ADAMTS2: variants seen among roughly 807,000 people sequenced by gnomAD.
ADAMTS2 encodes A disintegrin and metalloproteinase with thrombospondin motifs 2.
Under a neutral mutation model 123.0 loss-of-function variants are expected in ADAMTS2, and 50 were observed. That is an observed-to-expected ratio of 0.41 (90% confidence interval 0.32 to 0.51). The LOEUF is 0.51. Ranked by LOEUF, ADAMTS2 falls within the 20% of genes least tolerant of loss-of-function variation. The probability of loss-of-function intolerance (pLI) is 0.35; values close to 1 mark genes in which losing one functional copy is unlikely to be tolerated. For missense variants in ADAMTS2, 1,494 were observed against 1,705.2 expected (o/e 0.88, Z 2.18); for synonymous variants, 678 against 695.4 (o/e 0.98, Z 0.39).
At chr5:179,153,944 C>T (rs993980081) in intron 8 of ADAMTS2, 105 bp downstream of exon 8, 108 of 1,459,746 alleles carry the variant, frequency 7.4e-5, no homozygotes, top group Admixed American at 1.2e-4. Flanking sequence ...GCTTAGAGGA[C>T]CTGAGGTCGG....
intron 3 of ADAMTS2, among the ~76,000 whole-genome samples, chr5:179,219,886 G>A (rs867389647): frequency 9.2e-5 from 14 of 152,286 alleles, no homozygotes; most frequent in Admixed American, 4.6e-4. Context: ...CACCTGCCCC[G>A]TGCCACTCTC....
intron 5 of ADAMTS2, among the ~76,000 whole-genome samples, chr5:179,174,309 T>C (rs1763888253): frequency 6.6e-6 from 1 of 152,204 alleles, no homozygotes; most frequent in Non-Finnish European, 1.5e-5. Flanking sequence ...AGGTTTTATA[T>C]ATTAAGATAT....
intron 2 of ADAMTS2, among the ~76,000 whole-genome samples, chr5:179,343,455 C>G (rs895522639): frequency 6.6e-6 from 1 of 152,248 alleles, no homozygotes; most frequent in African/African-American, 2.4e-5. Flanking sequence ...CACACATACA[C>G]GGACCCACCC....
chr5:179,195,715 T>A (rs1764414703), intron 4 of ADAMTS2, among the ~76,000 whole-genome samples: 1 of 152,184 alleles, frequency 6.6e-6, no homozygotes, highest in South Asian at 2.1e-4. Flanking sequence ...TTCTGAGCCT[T>A]GCGTGCAGCC....
chr5:179,261,540 C>CT (rs909526507), intron 3 of ADAMTS2, among the ~76,000 whole-genome samples: 1 of 152,204 alleles, frequency 6.6e-6, no homozygotes, highest in Non-Finnish European at 1.5e-5. Context: ...CAACAGATAC[C>CT]TATTTGCAGG....
chr5:179,184,099 G>A (rs140674827), intron 4 of ADAMTS2, among the ~76,000 whole-genome samples: 11 of 152,240 alleles, frequency 7.2e-5, no homozygotes, highest in African/African-American at 2.4e-4. Context: ...CAGCCCAAGC[G>A]GAATGAGACA....
intron 2 of ADAMTS2, among the ~76,000 whole-genome samples, chr5:179,334,247 G>A (rs1757552931): frequency 6.6e-6 from 1 of 152,186 alleles, no homozygotes; most frequent in African/African-American, 2.4e-5. Context: ...TCTGCAGGAA[G>A]GCTGCCCCTC....
rs966437723 is a variant in ADAMTS2 at position 179,122,644 on chromosome 5, G to A, written c.3088C>T (p.Arg1030Ter). ...ARTCRLGPCP[R>*]NISDPSKKSY... The stretch of plus-strand genomic sequence containing the variant: ...GGGGCAGGGGCTGCAGGTGGCTTAC[G>A]GGGACAGGGGCCAAGCCTGCAGGTC... The change falls in exon 20 of 22, where the codon CGA becomes TGA. Residue 1030 changes from arginine to a stop codon, truncating the protein, a stop_gained and splice_region_variant. Coordinates refer to ENST00000251582, the MANE Select transcript of ADAMTS2 (RefSeq NM_014244.5). LOFTEE classifies it high-confidence loss of function. 1.3e-6 allele frequency: 2 copies of A among 1,550,650 alleles called. No individual in the cohort carries two copies. The highest frequency in any genetic ancestry group is 8.7e-7 in the Non-Finnish European group (1 of 1,147,298).
chr5:179,128,702 GT>G lies in ADAMTS2; in HGVS notation c.2458-585del, dbSNP rs1762904824. Among the ~76,000 whole-genome samples, 2 of 152,168 alleles carry G rather than the reference GT, an allele frequency of 1.3e-5. No individual in the cohort carries two copies. Among genetic ancestry groups the G allele is most frequent in the South Asian group, 4.1e-4 (2 of 4,826 alleles). On this transcript the variant is annotated intron_variant, in intron 16 of 21. Transcript: ENST00000251582. The surrounding 1 kb of genome is among the most constrained non-coding windows in gnomAD (Gnocchi z 4.9). ...GCCACTGCGCCTGGCCTATGTGTGA[GT>G]CTGTTTAAAGACACTTTATTTAATT...
Position 179,213,386 on chromosome 5 carries a change from A to T in ADAMTS2, c.689-5671T>A, listed in dbSNP as rs116176263. Reference sequence around the variant, plus strand: ...TGGGCATTAACTGACTTTCCCTCTCAGATAGAGAACCCTGGGGGATGGAGA... The same window carrying T: ...TGGGCATTAACTGACTTTCCCTCTCTGATAGAGAACCCTGGGGGATGGAGA... On this transcript the variant is annotated intron_variant, in intron 3 of 21. Coordinates refer to ENST00000251582, the MANE Select transcript of ADAMTS2 (RefSeq NM_014244.5). 2.3e-3 allele frequency among the ~76,000 whole-genome samples: 354 copies of T among 152,232 alleles called. 2 individuals carry two copies. The highest frequency in any genetic ancestry group is 8.2e-3 in the African/African-American group (339 of 41,546).
intron 21 of ADAMTS2, among the ~76,000 whole-genome samples, chr5:179,116,260 A>ACCCCCCCCCCCCCCCCCCCCC (rs146306326): frequency 2.7e-4 from 25 of 93,772 alleles, no homozygotes; most frequent in African/African-American, 3.6e-4. Flanking sequence ...TGACCACGGC[A>ACCCCCCCCCCCCCCCCCCCCC]CCCCCCCCCC....
intron 3 of ADAMTS2, among the ~76,000 whole-genome samples, chr5:179,235,144 C>T (rs1400539194): frequency 6.6e-6 from 1 of 152,244 alleles, no homozygotes; most frequent in Non-Finnish European, 1.5e-5. Flanking sequence ...TAGACTCAAG[C>T]ACCCTGTGCT....
intron 2 of ADAMTS2, among the ~76,000 whole-genome samples, chr5:179,336,745 T>C (rs1211182779): frequency 6.6e-6 from 1 of 152,316 alleles, no homozygotes; most frequent in African/African-American, 2.4e-5. Context: ...TCTTTTGCTA[T>C]TGGAGGAACT....
rs745588970 is a variant in ADAMTS2, at chr5:179,344,101, T to C, written c.200A>G (p.Gln67Arg). ...ILAVPVRTDA[Q>R]GRLVSHVVSA... The stretch of plus-strand genomic sequence containing the variant: ...CACCACGTGGGACACCAAGCGGCCC[T>C]GGGCGTCAGTGCGCACGGGCACCGC... The change falls in exon 2 of 22, where the codon CAG (glutamine) becomes CGG (arginine). Residue 67 changes from glutamine (Q) to arginine (R), a missense_variant. Transcript: ENST00000251582. 1.2e-5 allele frequency: 19 copies of C among 1,609,294 alleles called. No individual in the cohort carries two copies. The highest frequency in any genetic ancestry group is 1.6e-5 in the Non-Finnish European group (19 of 1,177,964).
At chr5:179,333,616 T>TA (rs1757535414) in intron 2 of ADAMTS2, among the ~76,000 whole-genome samples, 1 of 150,044 alleles carries the variant, frequency 6.7e-6, no homozygotes, top group Non-Finnish European at 1.5e-5. Context: ...TTTTTTTTTT[T>TA]TTTAGACAGA....
intron 10 of ADAMTS2, among the ~76,000 whole-genome samples, chr5:179,142,091 A>G (rs1308573314): frequency 6.6e-6 from 1 of 152,182 alleles, no homozygotes; most frequent in Admixed American, 6.5e-5. Flanking sequence ...AGGGAGAGTC[A>G]GAACAGAAGG....
In ADAMTS2 at chr5:179,181,991, G is replaced by A. The variant is rs908328214; in HGVS notation, c.892-836C>T. On this transcript the variant is annotated intron_variant, in intron 4 of 21. Transcript: ENST00000251582. The surrounding 1 kb of genome is among the most constrained non-coding windows in gnomAD (Gnocchi z 4.1). ...AGCCCCCACCCTCCAGCTTCCCACCGCACACACCCAGGGCCCTCCCTAGCG... is the reference window on the plus strand; with the variant it reads ...AGCCCCCACCCTCCAGCTTCCCACCACACACACCCAGGGCCCTCCCTAGCG... Among the ~76,000 whole-genome samples, 18 of 151,974 alleles carry A rather than the reference G, an allele frequency of 1.2e-4. No individual in the cohort carries two copies. In the South Asian group the frequency reaches 1.5e-3, roughly 12 times the overall value.
At chr5:179,123,418 GT>G (rs1762795896) in intron 19 of ADAMTS2, among the ~76,000 whole-genome samples, 1 of 152,166 alleles carries the variant, frequency 6.6e-6, no homozygotes, top group Non-Finnish European at 1.5e-5. Context: ...GTTTTGTTTT[GT>G]TTTGTTTCTT....
chr5:179,202,952 G>A lies in ADAMTS2; in HGVS notation c.891+4561C>T, dbSNP rs1179751961. Among the ~76,000 whole-genome samples, 1 of 152,208 alleles carries A rather than the reference G, an allele frequency of 6.6e-6. No homozygotes were observed. Among genetic ancestry groups the A allele is most frequent in the African/African-American group, 2.4e-5 (1 of 41,452 alleles). On this transcript the variant is annotated intron_variant, in intron 4 of 21. Coordinates refer to ENST00000251582, the MANE Select transcript of ADAMTS2 (RefSeq NM_014244.5). This position sits in a 1 kb window ranked among gnomAD's most constrained non-coding sequence, Gnocchi z 4.0. The stretch of plus-strand genomic sequence containing the variant: ...CTCCACACCAGCTACAAGGGAGACT[G>A]GGGAGGGGAGCACAGGGGTGATCGA...
Sources: allele counts gnomAD v4.1 joint callset (sites outside exome capture counted in the v4.1 genomes callset), GRCh38; gene constraint gnomAD v4.1.1; non-coding constraint Gnocchi (gnomAD v3.1); transcripts MANE v1.5; gene names NCBI Gene and HGNC (gene_info 2026-07-23, HGNC 2026-07-21).